Variants in ULK4 observed in about 807,000 individuals in gnomAD.
ULK4 encodes inactive serine/threonine-protein kinase ULK4.
ULK4 carries 133 observed loss-of-function variants against 160.6 expected under a neutral mutation model. The observed-to-expected ratio is 0.83, with a 90% confidence interval of 0.72 to 0.96. ULK4 has a LOEUF of 0.96. Ranked by LOEUF, ULK4 falls within the 40% of genes least tolerant of loss-of-function variation. The pLI, the probability that ULK4 is intolerant of heterozygous loss-of-function variation, is 0.00. For missense variants in ULK4, 1,580 were observed against 1,499.5 expected (o/e 1.05, Z -0.89); for synonymous variants, 534 against 539.8 (o/e 0.99, Z 0.15).
intron 34 of ULK4, among the ~76,000 whole-genome samples, chr3:41,445,311 T>C (rs560422912): frequency 1.2e-3 from 177 of 152,262 alleles, no homozygotes; most frequent in African/African-American, 3.5e-3. Flanking sequence ...AGGTAATTTA[T>C]AGATTCAATG....
intron 4 of ULK4, among the ~76,000 whole-genome samples, chr3:41,934,159 T>G (rs1699687498): frequency 6.6e-6 from 1 of 152,220 alleles, no homozygotes. Context: ...GAAATCCACA[T>G]TTCCATATCC....
At chr3:41,902,032 C>T (rs1419758589) in intron 12 of ULK4, among the ~76,000 whole-genome samples, 3 of 151,822 alleles carry the variant, frequency 2.0e-5, no homozygotes, top group African/African-American at 7.3e-5. Context: ...AATTTGTATT[C>T]CTAGTGCTAT....
At position 41,418,346 on chromosome 3, in the gene ULK4, G is replaced by GGC. The variant is rs908225857; in HGVS notation, c.3493-20083_3493-20082insGC. Among the ~76,000 whole-genome samples the GGC allele has an allele frequency of 7.5e-5, 11 of 146,296 alleles. 1 individual carries two copies. Among genetic ancestry groups the GGC allele is most frequent in the African/African-American group, 2.0e-4 (8 of 39,676 alleles). ...ATACTTTTTTTCTTAATTTGGCGGG[G>GGC]GGGGGGGCACGTTTCTAAGCTACAC... is the stretch of plus-strand genomic sequence containing the variant. On this transcript the variant is annotated intron_variant, in intron 34 of 36. Transcript: ENST00000301831.
At chr3:41,917,007 C>A (rs1698990964) in intron 7 of ULK4, among the ~76,000 whole-genome samples, 1 of 151,994 alleles carries the variant, frequency 6.6e-6, no homozygotes, top group African/African-American at 2.4e-5. Context: ...CATGCCCGGC[C>A]CCAGCTTAAC....
chr3:41,628,529 G>A (rs1396796438), intron 30 of ULK4, among the ~76,000 whole-genome samples: 3 of 152,118 alleles, frequency 2.0e-5, no homozygotes, highest in Non-Finnish European at 2.9e-5. Context: ...AAATGGAGGA[G>A]CATCTTACAA....
chr3:41,302,837 G>A (rs887935211), intron 35 of ULK4, among the ~76,000 whole-genome samples: 3 of 152,090 alleles, frequency 2.0e-5, no homozygotes, highest in African/African-American at 7.2e-5. Flanking sequence ...ACTGTCTATC[G>A]TTGGCTCTAT....
chr3:41,428,714 C>T (rs531769947), intron 34 of ULK4, among the ~76,000 whole-genome samples: 26 of 152,192 alleles, frequency 1.7e-4, no homozygotes, highest in East Asian at 7.7e-4. Flanking sequence ...ACTGGCTAGT[C>T]ATATGGAAAA....
At chr3:41,760,836 A>C (rs1357631905) in intron 21 of ULK4, among the ~76,000 whole-genome samples, 2 of 152,156 alleles carry the variant, frequency 1.3e-5, no homozygotes, top group Non-Finnish European at 2.9e-5. Flanking sequence ...GCAGTCAAAA[A>C]CCAAAAACAG....
chr3:41,804,816 G>A (rs540799007), intron 19 of ULK4, among the ~76,000 whole-genome samples: 15 of 152,146 alleles, frequency 9.9e-5, no homozygotes, highest in African/African-American at 3.6e-4. Flanking sequence ...TATTTCTGAG[G>A]GCTCTGTTCT....
At chr3:41,494,911 A>G (rs200658131) in intron 32 of ULK4, among the ~76,000 whole-genome samples, 1 of 151,704 alleles carries the variant, frequency 6.6e-6, no homozygotes, top group South Asian at 2.1e-4. Context: ...CTACAAACCA[A>G]TGCTCAATGA....
intron 35 of ULK4, among the ~76,000 whole-genome samples, chr3:41,390,398 C>T (rs910510890): frequency 6.6e-6 from 1 of 152,056 alleles, no homozygotes; most frequent in African/African-American, 2.4e-5. Context: ...TTATTTCTTG[C>T]CTTCTGCTAG....
At chr3:41,322,133 G>A (rs1391955094) in intron 35 of ULK4, among the ~76,000 whole-genome samples, 1 of 144,424 alleles carries the variant, frequency 6.9e-6, no homozygotes, top group Non-Finnish European at 1.5e-5. Context: ...CTGGGTTCAA[G>A]CAGTTGTTGT....
intron 17 of ULK4, among the ~76,000 whole-genome samples, chr3:41,881,689 A>AT (rs1020522668): frequency 7.2e-5 from 11 of 151,926 alleles, no homozygotes; most frequent in East Asian, 3.9e-4. Context: ...AGTACACGCC[A>AT]TTTTTTTTAA....
intron 18 of ULK4, among the ~76,000 whole-genome samples, chr3:41,829,678 A>G (rs949502548): frequency 6.6e-6 from 1 of 152,152 alleles, no homozygotes; most frequent in African/African-American, 2.4e-5. Flanking sequence ...AGAAATAGGA[A>G]CACTTTTACA....
At chr3:41,823,217 A>C (rs959772192) in intron 18 of ULK4, among the ~76,000 whole-genome samples, 1 of 152,182 alleles carries the variant, frequency 6.6e-6, no homozygotes, top group African/African-American at 2.4e-5. Context: ...TCAGAAGAAA[A>C]TATTAGAAGC....
intron 17 of ULK4, chr3:41,859,502 G>A (rs1196698127): frequency 3.7e-6 from 2 of 547,188 alleles, no homozygotes; most frequent in East Asian, 1.0e-4. Context: ...TCCCAGTAAG[G>A]ACCCTTAGGG....
intron 21 of ULK4, among the ~76,000 whole-genome samples, chr3:41,786,264 T>C (rs2039995013): frequency 6.6e-6 from 1 of 152,140 alleles, no homozygotes; most frequent in African/African-American, 2.4e-5. Flanking sequence ...CAACACACTG[T>C]CTCATCTGTG....
chr3:41,941,339 G>GAAAAAA (rs58069829), intron 2 of ULK4, among the ~76,000 whole-genome samples: 1 of 101,216 alleles, frequency 9.9e-6, no homozygotes, highest in East Asian at 3.5e-4. Flanking sequence ...TGCCCAGCTT[G>GAAAAAA]AAAAAAAAAA....
In ULK4 at chr3:41,751,018, G is replaced by A. The variant is rs538261296; in HGVS notation, c.2321+3343C>T. 4.1e-3 allele frequency among the ~76,000 whole-genome samples: 590 copies of A among 144,450 alleles called. 4 individuals carry two copies. Among genetic ancestry groups the A allele is most frequent in the Middle Eastern group, 0.017 (5 of 288 alleles). The allele number at this position is 144,450 out of a possible 152,430, so 94.8% of individuals were successfully genotyped here. A position where few individuals can be genotyped will look rare whatever the true frequency, so the allele number is the denominator to read the frequency against. The stretch of plus-strand genomic sequence containing the variant: ...AGAGAGAGGAAGGGAGGGAAGGAGG[G>A]TGGGAAGGAGGGAGGGAAGGAGGGA... On this transcript the variant is annotated intron_variant, in intron 22 of 36. Transcript: ENST00000301831.
Sources: allele counts gnomAD v4.1 joint callset (sites outside exome capture counted in the v4.1 genomes callset), GRCh38; gene constraint gnomAD v4.1.1; transcripts MANE v1.5; gene names NCBI Gene and HGNC (gene_info 2026-07-23, HGNC 2026-07-21).